The following ADAM28 variants were observed in gnomAD, a reference collection of about 807,000 sequenced individuals.
The protein encoded by ADAM28 is ADAM metallopeptidase domain 28.
A neutral mutation model predicts 101.2 loss-of-function variants in ADAM28; 105 were observed. That is an observed-to-expected ratio of 1.04 (90% CI 0.89 to 1.22). The LOEUF (loss-of-function observed/expected upper bound fraction) is 1.22. Among genes scored for constraint, ADAM28 ranks in the 50% most tolerant of loss-of-function variants. The pLI is 0.00. For missense variants in ADAM28, 1,028 were observed against 945.4 expected, an observed-to-expected ratio of 1.09 and a Z score of -1.15; for synonymous variants, 322 against 310.6, an observed-to-expected ratio of 1.04 and a Z score of -0.39.
chr8:24,298,243 A>G (rs1043959360), intron 1 of ADAM28, among the ~76,000 whole-genome samples: 2 of 151,540 alleles, frequency 1.3e-5, no homozygotes, highest in Non-Finnish European at 2.9e-5. Context: ...GTAATTTTGA[A>G]TTTTTTTTTA....
intron 5 of ADAM28, 66 bp downstream of exon 5, chr8:24,311,503 C>G: frequency 8.2e-7 from 1 of 1,226,904 alleles, no homozygotes; most frequent in Non-Finnish European, 1.2e-6. Flanking sequence ...TCTAACCAAC[C>G]AGATGAATCC....
intron 18 of ADAM28, 23 bp from the exon 19 acceptor site, chr8:24,349,841 C>T (rs367694477): frequency 4.2e-5 from 67 of 1,598,282 alleles, no homozygotes; most frequent in South Asian, 2.1e-4. Context: ...CAGTCCTCAG[C>T]GGGCCCCTGT....
intron 2 of ADAM28, among the ~76,000 whole-genome samples, chr8:24,302,491 T>G (rs1373887489): frequency 3.3e-5 from 5 of 152,158 alleles, no homozygotes; most frequent in Non-Finnish European, 7.4e-5. Context: ...GTATTTCTGG[T>G]TCTAGGTCTT....
chr8:24,343,228 A>C, intron 17 of ADAM28, 47 bp downstream of exon 17: 2 of 1,583,156 alleles, frequency 1.3e-6, no homozygotes, highest in East Asian at 4.5e-5. Flanking sequence ...ATCTTATGAC[A>C]TTCTAGGTCA....
At chr8:24,323,245 C>G (rs1024475398) in intron 8 of ADAM28, among the ~76,000 whole-genome samples, 8 of 151,924 alleles carry the variant, frequency 5.3e-5, no homozygotes, top group African/African-American at 1.7e-4. Flanking sequence ...GGGCTCCACT[C>G]TCGTGACCTA....
chr8:24,337,791 C>T (rs1472377053), intron 14 of ADAM28, among the ~76,000 whole-genome samples: 2 of 152,136 alleles, frequency 1.3e-5, no homozygotes, highest in Admixed American at 1.3e-4. Context: ...TTCTTTTTGG[C>T]ATCAAATCAT....
chr8:24,300,607 G>A (rs1336674433), intron 2 of ADAM28, among the ~76,000 whole-genome samples: 2 of 152,012 alleles, frequency 1.3e-5, no homozygotes, highest in African/African-American at 4.8e-5. Flanking sequence ...TAGTTGAGAC[G>A]GGGTTTCACT....
chr8:24,342,911 C>A, intron 16 of ADAM28, 190 bp from the exon 17 acceptor site: 13 of 975,468 alleles, frequency 1.3e-5, no homozygotes, highest in South Asian at 2.3e-5. Flanking sequence ...TAGACTTTAT[C>A]AACCTTTTTG....
At chr8:24,317,298 T>C (rs1171065516) in intron 6 of ADAM28, among the ~76,000 whole-genome samples, 1 of 151,940 alleles carries the variant, frequency 6.6e-6, no homozygotes, top group Admixed American at 6.6e-5. Flanking sequence ...ATTACAAAGA[T>C]ATAGTAATCG....
intron 18 of ADAM28, among the ~76,000 whole-genome samples, chr8:24,344,087 C>A (rs6997454): frequency 6.6e-6 from 1 of 152,044 alleles, no homozygotes; most frequent in Non-Finnish European, 1.5e-5. Flanking sequence ...TTAGTTCACA[C>A]GGGATGTCTC....
intron 10 of ADAM28, among the ~76,000 whole-genome samples, chr8:24,329,731 T>C (rs937381085): frequency 8.5e-5 from 13 of 152,118 alleles, no homozygotes; most frequent in Admixed American, 7.9e-4. Flanking sequence ...CCATCTTTCT[T>C]GGAAAGAAAA....
intron 7 of ADAM28, among the ~76,000 whole-genome samples, 199 bp downstream of exon 7, chr8:24,320,506 G>A (rs923443919): frequency 6.6e-6 from 1 of 151,970 alleles, no homozygotes; most frequent in Non-Finnish European, 1.5e-5. Flanking sequence ...CAGGGCAATT[G>A]ATATGATATG....
chr8:24,344,946 TAGC>T (rs1459742136), intron 18 of ADAM28, among the ~76,000 whole-genome samples: 2 of 151,970 alleles, frequency 1.3e-5, no homozygotes, highest in Non-Finnish European at 2.9e-5. Context: ...ATAGCATGCA[TAGC>T]AGGTTTGATT....
rs976528051 is a variant in ADAM28 at position 24,355,398 on chromosome 8, T to TATCC, written c.*995_*996insTCCA. The TATCC allele has an allele frequency of 7.5e-5, 11 of 147,478 alleles. No homozygotes were observed. The highest frequency in any genetic ancestry group is 2.7e-4 in the African/African-American group (11 of 40,002). The allele number at this position is 147,478 out of a possible 1,614,324, so 9.1% of individuals were successfully genotyped here. On this transcript the variant is annotated 3_prime_UTR_variant, in exon 23 of 23. Transcript: ENST00000265769. ...CACTTCTAGGAAAGAATATCCTATC[T>TATCC]AATCTATCTATCTCAGGGATAAATC...
rs1192981575 is a variant in ADAM28 at position 24,329,865 on chromosome 8, GTGTT to G, written c.973-116_973-113del. ...TCTTGCTCTGTGTGTGTGTGTGTGT[GTGTT>G]TGTGTGTGTGTGTGTGTGAGAGAGA... On this transcript the variant is annotated intron_variant, in intron 10 of 22. Coordinates refer to ENST00000265769, the MANE Select transcript of ADAM28 (RefSeq NM_014265.6). The G allele has an allele frequency of 9.8e-5, 88 of 900,500 alleles. No individual in the cohort carries two copies. The African/African-American group carries it at 1.3e-3, about 13-fold the overall frequency. The allele number at this position is 900,500 out of a possible 1,614,324, so 55.8% of individuals were successfully genotyped here. A position where few individuals can be genotyped will look rare whatever the true frequency, so the allele number is the denominator to read the frequency against.
At chr8:24,353,467 A>G (rs1034865334) in intron 21 of ADAM28, among the ~76,000 whole-genome samples, 5 of 152,152 alleles carry the variant, frequency 3.3e-5, no homozygotes, top group Non-Finnish European at 7.4e-5. Context: ...TTAGTGAGAA[A>G]AAACAAGTCA....
intron 6 of ADAM28, among the ~76,000 whole-genome samples, chr8:24,318,680 A>G (rs1405725989): frequency 6.6e-6 from 1 of 151,896 alleles, no homozygotes; most frequent in African/African-American, 2.4e-5. Context: ...ACCACTCATC[A>G]TTTGTTCAAA....
chr8:24,343,556 C>T lies in ADAM28; in HGVS notation c.1962C>T (p.Pro654=), dbSNP rs765846183. ...AATGTGAGGAAGGATGGATCCCTCC[C>T]GACTGCGATGACTCCTCAGTGGTCT... The part of the protein sequence containing the change: ...QCQCEEGWIP[P]DCDDSSVVFH... Residue 654 remains proline (P), a synonymous_variant, in exon 18 of 23, where the codon CCC becomes CCT. Transcript: ENST00000265769. 3.1e-5 allele frequency: 50 copies of T among 1,613,736 alleles called. No individual in the cohort carries two copies. Among genetic ancestry groups the T allele is most frequent in the East Asian group, 2.7e-4 (12 of 44,850 alleles).
intron 2 of ADAM28, among the ~76,000 whole-genome samples, chr8:24,300,588 T>G (rs1310267724): frequency 1.3e-5 from 2 of 152,050 alleles, no homozygotes; most frequent in Admixed American, 1.3e-4. Flanking sequence ...GCTAATTTTT[T>G]TGTATTTTTA....
Sources: gnomAD v4.1 joint callset for allele counts (sites outside exome capture counted in the v4.1 genomes callset) on GRCh38, gnomAD v4.1.1 for gene constraint, MANE v1.5 for transcripts, NCBI Gene and HGNC (gene_info 2026-07-23, HGNC 2026-07-21) for gene names.